The following SIPA1L2 variants were observed in gnomAD, a reference collection of about 807,000 sequenced individuals.
SIPA1L2 encodes the protein signal induced proliferation associated 1 like 2.
A neutral mutation model predicts 163.9 loss-of-function variants in SIPA1L2; 56 were observed. The ratio of observed to expected loss-of-function variants is 0.34; its 90% CI spans 0.28 to 0.43. SIPA1L2 has a LOEUF of 0.43. SIPA1L2 is among the 20% of genes least tolerant of loss of function. SIPA1L2 has a pLI of 1.00. For synonymous variants in SIPA1L2, 877 were observed against 865.7 expected (o/e 1.01, Z -0.23); for missense variants, 1,974 against 2,193.5 (o/e 0.90, Z 2.00).
chr1:232,620,065 A>G (rs548823487), intron 1 of SIPA1L2, among the ~76,000 whole-genome samples: 7 of 152,200 alleles, frequency 4.6e-5, no homozygotes, highest in African/African-American at 1.7e-4. Context: ...TTGTATTTTT[A>G]GTAGAGACGG....
rs377473657 is a variant in SIPA1L2 at position 232,599,191 on chromosome 1, CA to C, written c.-318-24970del. 2.4e-3 allele frequency among the ~76,000 whole-genome samples: 361 copies of C among 152,246 alleles called. 3 individuals carry two copies. Among genetic ancestry groups the C allele is most frequent in the African/African-American group, 7.1e-3 (297 of 41,546 alleles). On this transcript the variant is annotated intron_variant, in intron 1 of 22. Coordinates refer to ENST00000674635, the MANE Select transcript of SIPA1L2 (RefSeq NM_020808.5). Reference sequence around the variant, plus strand: ...AGAATGAGGGCAGGGGTTCTGGATTCAGATTACATATTTAAAAAAACAAACA... The same window carrying C: ...AGAATGAGGGCAGGGGTTCTGGATTCGATTACATATTTAAAAAAACAAACA...
At chr1:232,423,033 G>A (rs1661664103) in intron 18 of SIPA1L2, among the ~76,000 whole-genome samples, 1 of 152,200 alleles carries the variant, frequency 6.6e-6, no homozygotes, top group Non-Finnish European at 1.5e-5. Context: ...CCTGGCTAGT[G>A]ATAGGCGGTA....
At chr1:232,419,315 TAC>T (rs1479703223) in intron 18 of SIPA1L2, among the ~76,000 whole-genome samples, 1 of 152,194 alleles carries the variant, frequency 6.6e-6, no homozygotes, top group Non-Finnish European at 1.5e-5. Flanking sequence ...GAAAAACACA[TAC>T]ATTTTCTTTT....
At chr1:232,548,129 T>A (rs1658150040) in intron 2 of SIPA1L2, among the ~76,000 whole-genome samples, 1 of 152,192 alleles carries the variant, frequency 6.6e-6, no homozygotes. Context: ...TTCTACAGAG[T>A]AATTACTTGA....
In SIPA1L2 at chr1:232,514,233, C is replaced by A. The variant is rs113255944; in HGVS notation, c.1107G>T (p.Met369Ile). 7.5e-5 allele frequency: 121 copies of A among 1,614,108 alleles called. 1 individual carries two copies. Among genetic ancestry groups the A allele is most frequent in the Non-Finnish European group, 9.3e-5 (110 of 1,180,052 alleles). Reference protein sequence around the residue: ...TGASAASQTQMPTGQTGNCES... With the variant: ...TGASAASQTQIPTGQTGNCES... ...CACAGTTGCCTGTCTGGCCCGTAGGCATCTGAGTCTGGGATGCTGCAGATG... is the reference window on the plus strand; with the variant it reads ...CACAGTTGCCTGTCTGGCCCGTAGGAATCTGAGTCTGGGATGCTGCAGATG... The change falls in exon 3 of 23, where the codon ATG becomes ATT. Residue 369 changes from methionine to isoleucine, a missense_variant. Transcript: ENST00000674635.
rs373811980 is a variant in SIPA1L2 at position 232,483,966 on chromosome 1, G to A, written c.1807C>T (p.Leu603=). ...EQLLKLDEQG[L]SFQHKIGILY... is the part of the protein sequence containing the mutation. ...ATCCCGATCTTGTGCTGAAAGCTCA[G>A]CTGAAATGGGGGAGAAATATAATTA... The change falls in exon 6 of 23, where the codon CTG becomes TTG. Residue 603 remains leucine (L), a splice_region_variant and synonymous_variant. Transcript: ENST00000674635. 5.1e-5 allele frequency: 81 copies of A among 1,603,738 alleles called. No homozygotes were observed. The highest frequency in any genetic ancestry group is 3.3e-4 in the Admixed American group (19 of 56,894).
At chr1:232,460,841 A>C (rs760850545) in intron 10 of SIPA1L2, 46 bp downstream of exon 10, 2 of 1,584,752 alleles carry the variant, frequency 1.3e-6, no homozygotes, top group East Asian at 4.5e-5. Flanking sequence ...CACCTGCTAC[A>C]GAGGCAAAGG....
At chr1:232,504,786 C>A (rs1666646348) in intron 3 of SIPA1L2, among the ~76,000 whole-genome samples, 2 of 152,166 alleles carry the variant, frequency 1.3e-5, no homozygotes, top group South Asian at 4.1e-4. Flanking sequence ...TTCATCCTGT[C>A]TACTTATGAG....
chr1:232,427,788 C>T (rs1400397293), intron 17 of SIPA1L2, among the ~76,000 whole-genome samples: 5 of 152,188 alleles, frequency 3.3e-5, no homozygotes, highest in African/African-American at 7.2e-5. Flanking sequence ...TTAAGCATGA[C>T]CTTCCCTATG....
intron 2 of SIPA1L2, among the ~76,000 whole-genome samples, chr1:232,556,787 A>G (rs1439624968): frequency 6.6e-6 from 1 of 152,158 alleles, no homozygotes; most frequent in African/African-American, 2.4e-5. Context: ...GAAGTCTGCA[A>G]AAAGATAAGA....
rs74230927 is a variant in SIPA1L2, at chr1:232,592,780, T to C, written c.-318-18558A>G. Among the ~76,000 whole-genome samples, 265 of 151,214 alleles carry C rather than the reference T, an allele frequency of 1.8e-3. 4 individuals are homozygous for C. In the East Asian group the frequency reaches 0.043, roughly 24 times the overall value. On this transcript the variant is annotated intron_variant, in intron 1 of 22. Transcript: ENST00000674635. The stretch of plus-strand genomic sequence containing the variant: ...TAAAATGAGCACTAATATTTCAAGC[T>C]TCAGTTTATCCTCTCCGAATGTTCA...
chr1:232,625,506 C>T (rs1411239506), intron 1 of SIPA1L2, among the ~76,000 whole-genome samples: 1 of 152,194 alleles, frequency 6.6e-6, no homozygotes, highest in African/African-American at 2.4e-5. Flanking sequence ...TCAATGGCAG[C>T]ATGTGATTAA....
rs146329380 is a variant in SIPA1L2 at position 232,621,358 on chromosome 1, GT to G, written c.-319+8510del. Among the ~76,000 whole-genome samples, 3,014 of 152,112 alleles carry G rather than the reference GT, an allele frequency of 0.02. 186 individuals carry two copies. In the East Asian group the frequency reaches 0.26, roughly 13 times the overall value. On this transcript the variant is annotated intron_variant, in intron 1 of 22. Transcript: ENST00000674635. The stretch of plus-strand genomic sequence containing the variant: ...TTCTTATATGCACACACCTTCTTTA[GT>G]TCCCTCCCTCTCTCCCTTCTTCCTT...
In SIPA1L2 at chr1:232,471,533, G is replaced by C; in HGVS notation, c.2086-5C>G. 6.3e-7 allele frequency: 1 copy of C among 1,595,838 alleles called. No individual in the cohort carries two copies. Among genetic ancestry groups the C allele is most frequent in the Non-Finnish European group, 8.5e-7 (1 of 1,173,342 alleles). ...TATGTGCCTTTTCCTCAGTAGCTGT[G>C]GTCAAGAAAGTGAAGAGTTACAAAT... On this transcript the variant is annotated splice_polypyrimidine_tract_variant and splice_region_variant and intron_variant, in intron 7 of 22. Coordinates refer to ENST00000674635, the MANE Select transcript of SIPA1L2 (RefSeq NM_020808.5).
chr1:232,592,878 G>A (rs1279577372), intron 1 of SIPA1L2, among the ~76,000 whole-genome samples: 1 of 150,934 alleles, frequency 6.6e-6, no homozygotes, highest in Non-Finnish European at 1.5e-5. Context: ...GTCTTCTGCT[G>A]TACGACTGGA....
In SIPA1L2 at chr1:232,464,698, TA is replaced by T. The variant is rs1572938422; in HGVS notation, c.2820+141del. On this transcript the variant is annotated intron_variant, in intron 9 of 22. Transcript: ENST00000674635. ...CAACTCCCCAAAAGGACCCAGCATT[TA>T]AAATTAAGCTCTGTATCTGTAACAA... The T allele has an allele frequency of 8.9e-6, 6 of 677,250 alleles. No individual in the cohort carries two copies. In the East Asian group the frequency reaches 1.4e-4, roughly 16 times the overall value. 42.0% of individuals were successfully genotyped at this position (677,250 alleles called of 1,614,324 possible).
In SIPA1L2 at chr1:232,562,685, A is replaced by G. The variant is rs1230917896; in HGVS notation, c.-270+11489T>C. ...TGATTGCCATTTTAAAAACAAATGTAAAGTAATAAATGTTTACTACTGACT... is the reference window on the plus strand; with the variant it reads ...TGATTGCCATTTTAAAAACAAATGTGAAGTAATAAATGTTTACTACTGACT... On this transcript the variant is annotated intron_variant, in intron 2 of 22. Transcript: ENST00000674635. 2.0e-5 allele frequency among the ~76,000 whole-genome samples: 3 copies of G among 152,342 alleles called. No individual in the cohort carries two copies. In the Middle Eastern group the frequency reaches 0.01, roughly 518 times the overall value.
At chr1:232,403,592 C>T (rs756004517) in intron 20 of SIPA1L2, 21 bp from the exon 21 acceptor site, 3 of 1,603,378 alleles carry the variant, frequency 1.9e-6, no homozygotes, top group African/African-American at 2.7e-5. Flanking sequence ...GAGAAACACA[C>T]ACAGAAAGAA....
chr1:232,625,553 A>C (rs889335719), intron 1 of SIPA1L2, among the ~76,000 whole-genome samples: 3 of 152,208 alleles, frequency 2.0e-5, no homozygotes, highest in Non-Finnish European at 4.4e-5. Flanking sequence ...AAACTCGTTG[A>C]GTCTGGCCAC....
Sources: allele counts gnomAD v4.1 joint callset (sites outside exome capture counted in the v4.1 genomes callset), GRCh38; gene constraint gnomAD v4.1.1; transcripts MANE v1.5; gene names NCBI Gene and HGNC (gene_info 2026-07-23, HGNC 2026-07-21).